The following SCMH1 variants were observed in gnomAD, a reference collection of about 807,000 sequenced individuals.
SCMH1 encodes Scm polycomb group protein homolog 1, also known as polycomb protein SCMH1.
A neutral mutation model predicts 70.8 loss-of-function variants in SCMH1; 37 were observed. That is an observed-to-expected ratio of 0.52 (90% CI 0.40 to 0.69). SCMH1 has a LOEUF of 0.69. SCMH1 is among the 30% of genes least tolerant of loss of function. The pLI, the probability that SCMH1 is intolerant of heterozygous loss-of-function variation, is 0.00. For synonymous variants in SCMH1, 292 were observed against 307.4 expected, an observed-to-expected ratio of 0.95 and a Z score of 0.52; for missense variants, 607 against 827.3, an observed-to-expected ratio of 0.73 and a Z score of 3.27.
intron 10 of SCMH1, among the ~76,000 whole-genome samples, chr1:41,054,259 A>T (rs191728303): frequency 1.3e-4 from 20 of 151,420 alleles, no homozygotes; most frequent in Non-Finnish European, 1.0e-4. Flanking sequence ...GCCTATAGTA[A>T]CATGGAAATA....
intron 2 of SCMH1, among the ~76,000 whole-genome samples, chr1:41,164,965 C>G (rs1646316862): frequency 6.6e-6 from 1 of 152,066 alleles, no homozygotes; most frequent in Non-Finnish European, 1.5e-5. Context: ...TCAACATGCT[C>G]TGCAATAGAA....
intron 1 of SCMH1, among the ~76,000 whole-genome samples, chr1:41,190,015 A>C (rs527955124): frequency 6.6e-5 from 10 of 152,310 alleles, no homozygotes; most frequent in African/African-American, 2.2e-4. Context: ...TATGGATCTG[A>C]TGTCATTAAA....
intron 4 of SCMH1, among the ~76,000 whole-genome samples, chr1:41,155,925 C>CA (rs1438935508): frequency 7.5e-6 from 1 of 132,772 alleles, no homozygotes; most frequent in East Asian, 2.3e-4. Flanking sequence ...GTGGAGGTTG[C>CA]AATGAGCTAA....
chr1:41,124,579 A>G (rs1672719075), intron 6 of SCMH1, among the ~76,000 whole-genome samples: 1 of 148,184 alleles, frequency 6.7e-6, no homozygotes, highest in South Asian at 2.2e-4. Flanking sequence ...AATTACATTC[A>G]TGCTGAAGAG....
Position 41,062,155 on chromosome 1 carries a change from C to T in SCMH1, c.1105+8440G>A, listed in dbSNP as rs548429632. Among the ~76,000 whole-genome samples the T allele has an allele frequency of 1.9e-3, 296 of 151,982 alleles. 2 individuals are homozygous for T. Among genetic ancestry groups the T allele is most frequent in the African/African-American group, 6.7e-3 (279 of 41,462 alleles). On this transcript the variant is annotated intron_variant, in intron 10 of 14. Coordinates refer to ENST00000337495, the Ensembl canonical transcript of SCMH1. ...TGCTGGGATTACAGGCGTGAGCCAC[C>T]GCACCCAGCCTGAACAAATTTTAAA...
intron 8 of SCMH1, among the ~76,000 whole-genome samples, chr1:41,099,922 G>A (rs1350778464): frequency 6.6e-6 from 1 of 152,124 alleles, no homozygotes; most frequent in Non-Finnish European, 1.5e-5. Flanking sequence ...AACAACATTA[G>A]AAAAGGTGAT....
intron 1 of SCMH1, among the ~76,000 whole-genome samples, chr1:41,233,138 A>G (rs1184989033): frequency 6.6e-6 from 1 of 152,198 alleles, no homozygotes; most frequent in East Asian, 1.9e-4. Flanking sequence ...TGCCTAAATC[A>G]CAGAACCACT....
At chr1:41,060,008 GA>G (rs67619506) in intron 10 of SCMH1, among the ~76,000 whole-genome samples, 21,044 of 138,914 alleles carry the variant, frequency 0.15, 1,913 homozygotes, top group East Asian at 0.32. Flanking sequence ...AAAAAAGACT[GA>G]AAAAAAAAAA....
chr1:41,076,262 C>T (rs1368629163), intron 8 of SCMH1, among the ~76,000 whole-genome samples: 2 of 152,188 alleles, frequency 1.3e-5, no homozygotes, highest in Non-Finnish European at 2.9e-5. Flanking sequence ...GAGGACTTCT[C>T]TGACCATGTC....
chr1:41,058,375 C>CTTTTTTTTTTTTTT (rs1252087982), intron 10 of SCMH1, among the ~76,000 whole-genome samples: 1 of 38,990 alleles, frequency 2.6e-5, no homozygotes, highest in African/African-American at 1.5e-4. Context: ...CATTTTCTTT[C>CTTTTTTTTTTTTTT]TTGTTTTTTT....
At chr1:41,207,882 T>C (rs1372315097) in intron 1 of SCMH1, among the ~76,000 whole-genome samples, 1 of 149,934 alleles carries the variant, frequency 6.7e-6, no homozygotes, top group African/African-American at 2.5e-5. Flanking sequence ...TCCTCAGGGA[T>C]CTAGAACTAG....
chr1:41,067,383 G>T (rs1212835871), intron 10 of SCMH1, among the ~76,000 whole-genome samples: 1 of 148,788 alleles, frequency 6.7e-6, no homozygotes, highest in East Asian at 2.0e-4. Flanking sequence ...GGTGAAGGTT[G>T]CAGTGAGCTG....
At chr1:41,072,589 T>C (rs1656916080) in intron 9 of SCMH1, among the ~76,000 whole-genome samples, 1 of 152,156 alleles carries the variant, frequency 6.6e-6, no homozygotes, top group African/African-American at 2.4e-5. Context: ...AAGCCAGCCA[T>C]GGTGGCTCAC....
intron 8 of SCMH1, among the ~76,000 whole-genome samples, chr1:41,083,696 G>A (rs1430378573): frequency 6.6e-6 from 1 of 152,106 alleles, no homozygotes; most frequent in South Asian, 2.1e-4. Flanking sequence ...GAACAAAGCT[G>A]GAGGCATCAC....
chr1:41,048,603 G>A lies in SCMH1; in HGVS notation c.1306+87C>T, dbSNP rs561862007. ...TTTCCAGAGCCTGCAGGTATGAAGTGGGAACCAGGATGCCTTACAAGAAAT... is the reference window on the plus strand; with the variant it reads ...TTTCCAGAGCCTGCAGGTATGAAGTAGGAACCAGGATGCCTTACAAGAAAT... On this transcript the variant is annotated intron_variant, in intron 11 of 14. Transcript: ENST00000337495. 6.7e-6 allele frequency: 8 copies of A among 1,191,120 alleles called. No homozygotes were observed. In the East Asian group the frequency reaches 1.2e-4, roughly 17 times the overall value. The allele number at this position is 1,191,120 out of a possible 1,614,324, so 73.8% of individuals were successfully genotyped here.
chr1:41,028,324 G>T lies in SCMH1; in HGVS notation c.1822-5C>A, dbSNP rs747653621. 22 of 1,613,754 alleles carry T rather than the reference G, an allele frequency of 1.4e-5. No homozygotes were observed. The highest frequency in any genetic ancestry group is 1.8e-5 in the Non-Finnish European group (21 of 1,179,854). On this transcript the variant is annotated splice_polypyrimidine_tract_variant and splice_region_variant and intron_variant, in intron 14 of 14. Transcript: ENST00000337495. ...CAGGGCCTTGCCATCGATCTCCTGG[G>T]GGGTGGGGAGGTGGGCAGAAGTGGA... is the stretch of plus-strand genomic sequence containing the variant.
Position 41,113,460 on chromosome 1 carries a change from T to C in SCMH1, c.568A>G (p.Asn190Asp). The change falls in exon 8 of 15, where the codon AAC becomes GAC. Residue 190 changes from asparagine to aspartate, a missense_variant. Coordinates refer to ENST00000337495, the Ensembl canonical transcript of SCMH1. This position sits in a 1 kb window ranked among gnomAD's most constrained non-coding sequence, Gnocchi z 4.3. ...GTGGCTGGGCAAATGAAATGAGGGTTCTTCCTGTCCACAGCTTCTAGCTTC... is the reference window on the plus strand; with the variant it reads ...GTGGCTGGGCAAATGAAATGAGGGTCCTTCCTGTCCACAGCTTCTAGCTTC... 1 of 1,614,108 alleles carries C rather than the reference T, an allele frequency of 6.2e-7. No homozygotes were observed. The highest frequency in any genetic ancestry group is 8.5e-7 in the Non-Finnish European group (1 of 1,179,992).
At chr1:41,030,100 T>C (rs980992263) in intron 13 of SCMH1, among the ~76,000 whole-genome samples, 11 of 152,072 alleles carry the variant, frequency 7.2e-5, no homozygotes, top group Admixed American at 1.3e-4. Flanking sequence ...CTTGCAGTCC[T>C]AGCTACTCAG....
intron 12 of SCMH1, among the ~76,000 whole-genome samples, chr1:41,044,743 A>G (rs1646687196): frequency 6.6e-6 from 1 of 152,122 alleles, no homozygotes. Context: ...TGAGGCAAGA[A>G]GAGTCTGGCT....
Sources: allele counts gnomAD v4.1 joint callset (sites outside exome capture counted in the v4.1 genomes callset), GRCh38; gene constraint gnomAD v4.1.1; non-coding constraint Gnocchi (gnomAD v3.1); transcripts MANE v1.5; gene names NCBI Gene and HGNC (gene_info 2026-07-23, HGNC 2026-07-21).